NKAIN2: variants seen among roughly 807,000 people sequenced by gnomAD.
NKAIN2 encodes the protein sodium/potassium-transporting ATPase subunit beta-1-interacting protein 2.
Under a neutral mutation model 32.6 loss-of-function variants are expected in NKAIN2, and 14 were observed. The observed-to-expected ratio is 0.43, with a 90% CI of 0.28 to 0.67. The LOEUF (loss-of-function observed/expected upper bound fraction) is 0.67. Among genes scored for constraint, NKAIN2 ranks in the 30% least tolerant of loss-of-function variants. NKAIN2 has a pLI of 0.17. For missense variants in NKAIN2, 198 were observed against 258.3 expected (o/e 0.77, Z 1.60); for synonymous variants, 80 against 87.2 (o/e 0.92, Z 0.46).
At chr6:124,671,751 T>G (rs576898353) in intron 4 of NKAIN2, among the ~76,000 whole-genome samples, 1 of 151,998 alleles carries the variant, frequency 6.6e-6, no homozygotes, top group African/African-American at 2.4e-5. Context: ...AGGTACTTGG[T>G]TTTTTCTTGG....
chr6:124,385,080 G>C (rs1414447204), intron 3 of NKAIN2, among the ~76,000 whole-genome samples: 4 of 152,228 alleles, frequency 2.6e-5, no homozygotes, highest in Non-Finnish European at 5.9e-5. Flanking sequence ...TTCCAAATGA[G>C]AAAATAGCTG....
At chr6:124,197,340 C>T (rs1790363229) in intron 1 of NKAIN2, among the ~76,000 whole-genome samples, 1 of 151,928 alleles carries the variant, frequency 6.6e-6, no homozygotes, top group South Asian at 2.1e-4. Context: ...CCCCACCAGC[C>T]TTATATGGCT....
rs142519833 is a variant in NKAIN2 at position 124,342,139 on chromosome 6, C to T, written c.193-13128C>T. On this transcript the variant is annotated intron_variant, in intron 2 of 6. Transcript: ENST00000368417. Reference sequence around the variant, plus strand: ...CACCTTGGCCAGGCACGGTGGCTCACGCCTGTAATCCCAGCACTTTGGGAG... The same window carrying T: ...CACCTTGGCCAGGCACGGTGGCTCATGCCTGTAATCCCAGCACTTTGGGAG... Among the ~76,000 whole-genome samples, 544 of 152,122 alleles carry T rather than the reference C, an allele frequency of 3.6e-3. 10 individuals carry two copies. Among genetic ancestry groups the T allele is most frequent in the Admixed American group, 0.031 (476 of 15,278 alleles).
At chr6:124,648,671 A>T (rs1048328008) in intron 3 of NKAIN2, among the ~76,000 whole-genome samples, 1 of 152,232 alleles carries the variant, frequency 6.6e-6, no homozygotes, top group African/African-American at 2.4e-5. Context: ...AAAAGAACAA[A>T]CAAAAAAGGC....
At chr6:124,708,696 G>A (rs944181964) in intron 4 of NKAIN2, among the ~76,000 whole-genome samples, 17 of 152,218 alleles carry the variant, frequency 1.1e-4, no homozygotes, top group Non-Finnish European at 2.1e-4. Context: ...TTTGTATCCT[G>A]AGACTTTGCT....
At chr6:124,656,995 T>A (rs1784562320) in intron 3 of NKAIN2, among the ~76,000 whole-genome samples, 1 of 152,036 alleles carries the variant, frequency 6.6e-6, no homozygotes, top group South Asian at 2.1e-4. Flanking sequence ...AAAAAAGAGA[T>A]CACCCCTACC....
intron 4 of NKAIN2, among the ~76,000 whole-genome samples, chr6:124,661,693 T>G (rs1302812509): frequency 2.6e-5 from 4 of 152,176 alleles, no homozygotes; most frequent in African/African-American, 9.7e-5. Flanking sequence ...TCGAGCTTTC[T>G]CCTTCTCCAG....
intron 1 of NKAIN2, among the ~76,000 whole-genome samples, chr6:124,069,033 G>C (rs1050928062): frequency 9.9e-5 from 15 of 151,720 alleles, no homozygotes; most frequent in Admixed American, 9.8e-4. Flanking sequence ...AATTTTTTTT[G>C]TTTCCTTTTT....
At chr6:124,484,316 A>T (rs1419179126) in intron 3 of NKAIN2, among the ~76,000 whole-genome samples, 1 of 152,148 alleles carries the variant, frequency 6.6e-6, no homozygotes, top group African/African-American at 2.4e-5. Flanking sequence ...CCTTGAACTG[A>T]GATTATTTTG....
intron 4 of NKAIN2, among the ~76,000 whole-genome samples, chr6:124,765,384 G>T (rs1238448497): frequency 6.6e-6 from 1 of 152,200 alleles, no homozygotes; most frequent in Admixed American, 6.5e-5. Flanking sequence ...CAACAATCAA[G>T]AAGGAAATGT....
chr6:124,146,799 C>T (rs893300235), intron 1 of NKAIN2, among the ~76,000 whole-genome samples: 2 of 152,018 alleles, frequency 1.3e-5, no homozygotes, highest in Admixed American at 1.3e-4. Flanking sequence ...TCTGGCAAAA[C>T]TAAATGCATA....
intron 4 of NKAIN2, among the ~76,000 whole-genome samples, chr6:124,705,696 G>A (rs1438081133): frequency 6.6e-6 from 1 of 152,074 alleles, no homozygotes; most frequent in Non-Finnish European, 1.5e-5. Context: ...TTTCTGAAGG[G>A]AACGAGTTTT....
At chr6:124,726,200 C>G (rs920480566) in intron 4 of NKAIN2, among the ~76,000 whole-genome samples, 125 of 152,332 alleles carry the variant, frequency 8.2e-4, no homozygotes, top group African/African-American at 2.8e-3. Context: ...CTGGGCGGAG[C>G]CCACCACAGC....
At chr6:124,653,256 G>T (rs1157815455) in intron 3 of NKAIN2, among the ~76,000 whole-genome samples, 4 of 151,912 alleles carry the variant, frequency 2.6e-5, no homozygotes, top group African/African-American at 9.7e-5. Context: ...TTAATATAAA[G>T]TTACAGTAAT....
intron 1 of NKAIN2, among the ~76,000 whole-genome samples, chr6:123,998,655 A>G (rs1779738303): frequency 6.6e-6 from 1 of 151,938 alleles, no homozygotes; most frequent in African/African-American, 2.4e-5. Context: ...TTGTCTTATT[A>G]TGATTCACAA....
At chr6:123,874,999 A>T (rs972041400) in intron 1 of NKAIN2, among the ~76,000 whole-genome samples, 1 of 152,002 alleles carries the variant, frequency 6.6e-6, no homozygotes, top group Middle Eastern at 3.2e-3. Flanking sequence ...TTGAGCTCAT[A>T]CTGTTTGTAC....
intron 1 of NKAIN2, among the ~76,000 whole-genome samples, chr6:124,058,983 T>G (rs1027615079): frequency 6.6e-6 from 1 of 151,944 alleles, no homozygotes. Flanking sequence ...CTATTAATAA[T>G]AAGTTAGGAC....
intron 1 of NKAIN2, among the ~76,000 whole-genome samples, chr6:124,195,863 A>G (rs1245969636): frequency 3.3e-5 from 5 of 152,042 alleles, no homozygotes; most frequent in African/African-American, 4.8e-5. Context: ...CATTTTGGCT[A>G]CTATCCCAGT....
intron 3 of NKAIN2, among the ~76,000 whole-genome samples, chr6:124,597,613 A>G (rs545577519): frequency 2.6e-5 from 4 of 152,240 alleles, no homozygotes; most frequent in Admixed American, 2.6e-4. Flanking sequence ...CCAGTAAAAC[A>G]TGTTAGTGTG....
Sources: gnomAD v4.1 joint callset for allele counts (sites outside exome capture counted in the v4.1 genomes callset) on GRCh38, gnomAD v4.1.1 for gene constraint, MANE v1.5 for transcripts, NCBI Gene and HGNC (gene_info 2026-07-23, HGNC 2026-07-21) for gene names.